SLC39A11: variants seen among roughly 807,000 people sequenced by gnomAD.
SLC39A11 encodes zinc transporter ZIP11.
A neutral mutation model predicts 36.1 loss-of-function variants in SLC39A11; 33 were observed. The observed-to-expected ratio is 0.91, with a 90% CI of 0.69 to 1.22. SLC39A11 has a LOEUF of 1.22. Among genes scored for constraint, SLC39A11 ranks in the 50% most tolerant of loss-of-function variants. The pLI is 0.00. For synonymous variants in SLC39A11, 166 were observed against 170.3 expected (o/e 0.97, Z 0.20); for missense variants, 432 against 430.3 (o/e 1.00, Z -0.03).
intron 7 of SLC39A11, among the ~76,000 whole-genome samples, chr17:72,677,995 G>A (rs957633628): frequency 3.3e-5 from 5 of 152,118 alleles, no homozygotes; most frequent in African/African-American, 7.2e-5. Flanking sequence ...TGGCAGGAGC[G>A]CCCTTTCCCT....
chr17:72,815,374 C>T (rs1427677123), intron 6 of SLC39A11, among the ~76,000 whole-genome samples: 2 of 152,188 alleles, frequency 1.3e-5, no homozygotes, highest in Non-Finnish European at 1.5e-5. Context: ...AATCCCAGCA[C>T]TTTGGGAGGC....
Position 73,066,190 on chromosome 17 carries a change from C to G in SLC39A11, c.147+18618G>C, listed in dbSNP as rs375386409. ...ATGTAAAGAAGCCTAGGCTACACTACTGAACCATGAGCAACCACATGGAGA... is the reference window on the plus strand; with the variant it reads ...ATGTAAAGAAGCCTAGGCTACACTAGTGAACCATGAGCAACCACATGGAGA... On this transcript the variant is annotated intron_variant, in intron 3 of 9. Transcript: ENST00000255559. Among the ~76,000 whole-genome samples the G allele has an allele frequency of 1.1e-3, 162 of 152,320 alleles. 5 individuals are homozygous for G. The South Asian group carries it at 0.029, about 27-fold the overall frequency.
chr17:73,006,651 A>AACACACACACACACACACAC (rs144245639), intron 4 of SLC39A11, among the ~76,000 whole-genome samples: 1 of 149,026 alleles, frequency 6.7e-6, no homozygotes, highest in East Asian at 2.0e-4. Flanking sequence ...TCAGTTTGTA[A>AACACACACACACACACACAC]ACACACACAC....
At chr17:72,706,945 T>G (rs1243812153) in intron 7 of SLC39A11, among the ~76,000 whole-genome samples, 1 of 152,230 alleles carries the variant, frequency 6.6e-6, no homozygotes, top group African/African-American at 2.4e-5. Flanking sequence ...TTAGAACCAC[T>G]GCTCTAGGGC....
chr17:72,909,797 G>A (rs376879894), intron 5 of SLC39A11, among the ~76,000 whole-genome samples: 4 of 151,098 alleles, frequency 2.6e-5, no homozygotes, highest in East Asian at 1.9e-4. Flanking sequence ...CCAGGCTGGA[G>A]TGCAGTGGCG....
Position 72,703,312 on chromosome 17 carries a change from G to C in SLC39A11, c.671+33338C>G, listed in dbSNP as rs529714739. ...CAAAGCCAAATCCCTCTACACTCAA[G>C]TTCCAACTTGCAGAAATTTTTATAG... is the stretch of plus-strand genomic sequence containing the variant. On this transcript the variant is annotated intron_variant, in intron 7 of 9. Coordinates refer to ENST00000255559, the MANE Select transcript of SLC39A11 (RefSeq NM_139177.4). Among the ~76,000 whole-genome samples the C allele has an allele frequency of 1.3e-4, 20 of 152,306 alleles. No homozygotes were observed. The East Asian group carries it at 3.7e-3, about 28-fold the overall frequency.
intron 4 of SLC39A11, among the ~76,000 whole-genome samples, chr17:72,965,463 T>A (rs77949330): frequency 6.6e-6 from 1 of 152,140 alleles, no homozygotes; most frequent in Non-Finnish European, 1.5e-5. Context: ...GGTTTCTCAA[T>A]TTCAGTACAA....
chr17:73,068,992 C>T (rs555924657), intron 3 of SLC39A11, among the ~76,000 whole-genome samples: 5 of 152,266 alleles, frequency 3.3e-5, no homozygotes, highest in African/African-American at 9.6e-5. Context: ...TGATCACGTA[C>T]GGGCCTCAAC....
At chr17:72,651,383 C>T (rs992216678) in intron 7 of SLC39A11, among the ~76,000 whole-genome samples, 1 of 152,014 alleles carries the variant, frequency 6.6e-6, no homozygotes, top group African/African-American at 2.4e-5. Context: ...GGCTGGGAGC[C>T]GAGGACACCT....
intron 6 of SLC39A11, among the ~76,000 whole-genome samples, chr17:72,841,420 T>G: frequency 6.6e-6 from 1 of 152,184 alleles, no homozygotes; most frequent in East Asian, 1.9e-4. Context: ...CTGGAGGTTA[T>G]TATGTGAAGT....
At chr17:72,737,408 G>A (rs1279615225) in intron 6 of SLC39A11, among the ~76,000 whole-genome samples, 1 of 152,196 alleles carries the variant, frequency 6.6e-6, no homozygotes, top group Non-Finnish European at 1.5e-5. Context: ...CATGAGCACA[G>A]TTGAGTAGTT....
chr17:72,833,800 C>T (rs968425268), intron 6 of SLC39A11, among the ~76,000 whole-genome samples: 5 of 152,084 alleles, frequency 3.3e-5, no homozygotes, highest in Non-Finnish European at 7.4e-5. Flanking sequence ...ATGATGCTCT[C>T]GAGCCTGCTA....
rs1354240463 is a variant in SLC39A11 at position 73,031,806 on chromosome 17, C to T, written c.148-92G>A. Reference sequence around the variant, plus strand: ...GTTGCTCTCTGTGGCCCAGATTGACCCCTACAATTTCACATGAGTTCAGTC... The same window carrying T: ...GTTGCTCTCTGTGGCCCAGATTGACTCCTACAATTTCACATGAGTTCAGTC... On this transcript the variant is annotated intron_variant, in intron 3 of 9. Coordinates refer to ENST00000255559, the MANE Select transcript of SLC39A11 (RefSeq NM_139177.4). 3 of 1,309,398 alleles carry T rather than the reference C, an allele frequency of 2.3e-6. No homozygotes were observed. The African/African-American group carries it at 4.5e-5, about 20-fold the overall frequency. 81.1% of individuals were successfully genotyped at this position (1,309,398 alleles called of 1,614,324 possible).
chr17:73,059,066 G>C (rs1044838233), intron 3 of SLC39A11, among the ~76,000 whole-genome samples: 3 of 152,078 alleles, frequency 2.0e-5, no homozygotes, highest in Non-Finnish European at 4.4e-5. Context: ...TAAAGTAATA[G>C]ATATTTATAA....
At chr17:72,759,432 A>T (rs1211755203) in intron 6 of SLC39A11, among the ~76,000 whole-genome samples, 1 of 152,238 alleles carries the variant, frequency 6.6e-6, no homozygotes, top group African/African-American at 2.4e-5. Context: ...GAGCAGGAGA[A>T]TACAAAGGAT....
chr17:72,956,696 G>T (rs552731306), intron 4 of SLC39A11, among the ~76,000 whole-genome samples: 1 of 151,966 alleles, frequency 6.6e-6, no homozygotes, highest in South Asian at 2.1e-4. Flanking sequence ...GCTTTTTCTG[G>T]CTTCTCAACA....
intron 7 of SLC39A11, among the ~76,000 whole-genome samples, chr17:72,711,686 G>A (rs1036564682): frequency 3.9e-5 from 6 of 152,166 alleles, no homozygotes; most frequent in East Asian, 1.9e-4. Context: ...GAGTGCAGGC[G>A]GTGGGGACAC....
chr17:73,086,455 C>T (rs1416488630), intron 2 of SLC39A11, among the ~76,000 whole-genome samples: 2 of 151,968 alleles, frequency 1.3e-5, no homozygotes, highest in African/African-American at 2.4e-5. Context: ...CATGTTATAA[C>T]GTGGATGAGC....
At chr17:72,710,316 C>G (rs1224472499) in intron 7 of SLC39A11, among the ~76,000 whole-genome samples, 1 of 152,170 alleles carries the variant, frequency 6.6e-6, no homozygotes, top group African/African-American at 2.4e-5. Context: ...ATTCTTTCAT[C>G]TCTGCTTTGG....
Sources: gnomAD v4.1 joint callset for allele counts (sites outside exome capture counted in the v4.1 genomes callset) on GRCh38, gnomAD v4.1.1 for gene constraint, MANE v1.5 for transcripts, NCBI Gene and HGNC (gene_info 2026-07-23, HGNC 2026-07-21) for gene names.